The following DLG2 variants were observed in gnomAD, a reference collection of about 807,000 sequenced individuals.
DLG2 encodes the protein disks large homolog 2.
Under a neutral mutation model 132.5 loss-of-function variants are expected in DLG2, and 45 were observed. That is an observed-to-expected ratio of 0.34 (90% CI 0.27 to 0.44). The LOEUF is 0.44. Ranked by LOEUF, DLG2 falls within the 20% of genes least tolerant of loss-of-function variation. DLG2 has a pLI of 1.00. For missense variants in DLG2, 1,045 were observed against 1,196.9 expected (o/e 0.87, Z 1.87); for synonymous variants, 424 against 419.6 (o/e 1.01, Z -0.13).
Position 84,206,212 on chromosome 11 carries a change from C to T in DLG2, c.574-42701G>A, listed in dbSNP as rs186100156. On this transcript the variant is annotated intron_variant, in intron 8 of 27. Coordinates refer to ENST00000376104, the MANE Select transcript of DLG2 (RefSeq NM_001142699.3). ...TTAGTCCTGTATAGTCTTGTATAGTCCTGAATCGTCCTGCATCTGTTGAAA... is the reference window on the plus strand; with the variant it reads ...TTAGTCCTGTATAGTCTTGTATAGTTCTGAATCGTCCTGCATCTGTTGAAA... 2.1e-3 allele frequency among the ~76,000 whole-genome samples: 313 copies of T among 152,104 alleles called. 1 individual carries two copies. Among genetic ancestry groups the T allele is most frequent in the African/African-American group, 7.2e-3 (300 of 41,538 alleles).
intron 9 of DLG2, among the ~76,000 whole-genome samples, chr11:84,107,350 A>C (rs1450297496): frequency 6.6e-6 from 1 of 152,132 alleles, no homozygotes; most frequent in African/African-American, 2.4e-5. Flanking sequence ...AGTTGTAGAT[A>C]AAGTAGGAGA....
intron 6 of DLG2, among the ~76,000 whole-genome samples, chr11:84,843,642 C>T (rs2080994784): frequency 6.6e-6 from 1 of 151,886 alleles, no homozygotes; most frequent in African/African-American, 2.4e-5. Flanking sequence ...AACCTATACA[C>T]ATCCTCTCAT....
At chr11:83,904,317 A>G (rs1400871472) in intron 15 of DLG2, among the ~76,000 whole-genome samples, 1 of 152,226 alleles carries the variant, frequency 6.6e-6, no homozygotes, top group Non-Finnish European at 1.5e-5. Flanking sequence ...ATGCAAAATC[A>G]TGGACAAATT....
At chr11:84,372,972 G>A (rs895962902) in intron 7 of DLG2, among the ~76,000 whole-genome samples, 2 of 151,954 alleles carry the variant, frequency 1.3e-5, no homozygotes, top group Non-Finnish European at 2.9e-5. Context: ...ATGAAACCAC[G>A]AGAGTTACTG....
chr11:85,205,161 T>TAG (rs1468691806), intron 4 of DLG2, among the ~76,000 whole-genome samples: 4 of 147,022 alleles, frequency 2.7e-5, no homozygotes, highest in Non-Finnish European at 4.5e-5. Context: ...TATATATATA[T>TAG]ATAGATATAT....
chr11:84,621,978 A>G (rs1427488553), intron 6 of DLG2, among the ~76,000 whole-genome samples: 5 of 152,240 alleles, frequency 3.3e-5, no homozygotes, highest in African/African-American at 1.2e-4. Context: ...CATTAGTAGT[A>G]CAACATTTTG....
intron 6 of DLG2, among the ~76,000 whole-genome samples, chr11:84,774,002 T>G (rs574664400): frequency 6.6e-6 from 1 of 152,276 alleles, no homozygotes; most frequent in African/African-American, 2.4e-5. Context: ...ACTCTCTCTC[T>G]TCGCTGATGA....
intron 8 of DLG2, among the ~76,000 whole-genome samples, chr11:84,233,755 C>T (rs542689440): frequency 3.9e-5 from 6 of 152,326 alleles, no homozygotes; most frequent in Admixed American, 1.3e-4. Flanking sequence ...TTTTCTGGAA[C>T]CCCTTTCTGC....
At chr11:84,734,031 G>T (rs1320689066) in intron 6 of DLG2, among the ~76,000 whole-genome samples, 4 of 152,134 alleles carry the variant, frequency 2.6e-5, no homozygotes, top group African/African-American at 7.2e-5. Context: ...TGCTGTTTTG[G>T]TTACTGTAGC....
intron 6 of DLG2, among the ~76,000 whole-genome samples, chr11:84,668,847 A>G (rs1303151550): frequency 6.6e-6 from 1 of 152,184 alleles, no homozygotes; most frequent in Non-Finnish European, 1.5e-5. Context: ...TGCGAAGAAG[A>G]CACAAAACAC....
At chr11:83,670,693 A>C (rs1260266400) in intron 18 of DLG2, among the ~76,000 whole-genome samples, 1 of 152,138 alleles carries the variant, frequency 6.6e-6, no homozygotes, top group Non-Finnish European at 1.5e-5. Flanking sequence ...TGAATGTTTT[A>C]ATAAATTTAT....
intron 19 of DLG2, among the ~76,000 whole-genome samples, chr11:83,628,951 A>G (rs1258781446): frequency 6.6e-6 from 1 of 152,176 alleles, no homozygotes; most frequent in Non-Finnish European, 1.5e-5. Flanking sequence ...TGTTATTACT[A>G]TTTAACAAAA....
In DLG2 at chr11:85,333,697, T is replaced by C. The variant is rs577908786; in HGVS notation, c.41-48332A>G. 5.9e-4 allele frequency among the ~76,000 whole-genome samples: 90 copies of C among 152,340 alleles called. No individual in the cohort carries two copies. In the South Asian group the frequency reaches 6.0e-3, roughly 10 times the overall value. On this transcript the variant is annotated intron_variant, in intron 3 of 27. Transcript: ENST00000376104. ...TCTGGTGAGATGCTCATGTGGTTTTTGGTTTTAGTTCTGTTTATGTGATGA... is the reference window on the plus strand; with the variant it reads ...TCTGGTGAGATGCTCATGTGGTTTTCGGTTTTAGTTCTGTTTATGTGATGA...
At chr11:84,718,065 A>G (rs1403573567) in intron 6 of DLG2, among the ~76,000 whole-genome samples, 2 of 152,042 alleles carry the variant, frequency 1.3e-5, no homozygotes, top group African/African-American at 4.8e-5. Context: ...CTACAGTAGA[A>G]AGTCCCAATA....
At chr11:83,736,910 G>A (rs1464944304) in intron 18 of DLG2, among the ~76,000 whole-genome samples, 1 of 152,190 alleles carries the variant, frequency 6.6e-6, no homozygotes, top group African/African-American at 2.4e-5. Context: ...CTGAGCATCT[G>A]TGCATGACAG....
chr11:84,619,343 A>T (rs2099610007), intron 6 of DLG2, among the ~76,000 whole-genome samples: 1 of 151,864 alleles, frequency 6.6e-6, no homozygotes, highest in Non-Finnish European at 1.5e-5. Context: ...ATACCAAAGC[A>T]CCTAAAATAT....
chr11:84,976,452 G>A (rs985628463), intron 6 of DLG2, among the ~76,000 whole-genome samples: 28 of 152,022 alleles, frequency 1.8e-4, no homozygotes, highest in Admixed American at 1.8e-3. Context: ...TTCCTTGGGT[G>A]GTTTCATCTA....
At chr11:84,102,778 T>C (rs897143446) in intron 9 of DLG2, among the ~76,000 whole-genome samples, 27 of 152,280 alleles carry the variant, frequency 1.8e-4, no homozygotes, top group African/African-American at 6.0e-4. Flanking sequence ...GTGGGGGAAG[T>C]AGATCACTGT....
intron 3 of DLG2, among the ~76,000 whole-genome samples, chr11:85,591,052 A>G (rs1437191968): frequency 6.6e-6 from 1 of 152,186 alleles, no homozygotes; most frequent in Non-Finnish European, 1.5e-5. Context: ...GGTGACATAA[A>G]TCTTGCAGTA....
Sources: allele counts gnomAD v4.1 joint callset (sites outside exome capture counted in the v4.1 genomes callset), GRCh38; gene constraint gnomAD v4.1.1; transcripts MANE v1.5; gene names NCBI Gene and HGNC (gene_info 2026-07-23, HGNC 2026-07-21).